The following TPM3 variants were observed in gnomAD, a reference collection of about 807,000 sequenced individuals.
TPM3 encodes the protein tropomyosin 3.
TPM3 carries 16 observed loss-of-function variants against 43.1 expected under a neutral mutation model. That is an observed-to-expected ratio of 0.37 (90% CI 0.25 to 0.56). TPM3 has a LOEUF of 0.56. TPM3 is among the 20% of genes least tolerant of loss of function. The pLI is 0.77. For synonymous variants in TPM3, 101 were observed against 116.9 expected (o/e 0.86, Z 0.88); for missense variants, 176 against 337.2 (o/e 0.52, Z 3.74).
chr1:154,167,292 T>TA lies in TPM3; in HGVS notation c.*644dup, dbSNP rs1280587154. ...TTTCTGTGACTGGAGTTGACATAAT[T>TA]AGTCAATCTTAGCAATAATGTATTG... On this transcript the variant is annotated 3_prime_UTR_variant, in exon 10 of 10. Coordinates refer to ENST00000651641, the MANE Select transcript of TPM3 (RefSeq NM_152263.4). The TA allele has an allele frequency of 1.0e-6, 1 of 984,700 alleles. No homozygotes were observed. The highest frequency in any genetic ancestry group is 1.2e-6 in the Non-Finnish European group (1 of 829,424). The allele number at this position is 984,700 out of a possible 1,614,324, so 61.0% of individuals were successfully genotyped here.
At chr1:154,190,715 G>T (rs1375273924) in intron 2 of TPM3, among the ~76,000 whole-genome samples, 3 of 152,160 alleles carry the variant, frequency 2.0e-5, no homozygotes, top group Non-Finnish European at 4.4e-5. Context: ...ATATGGCCAG[G>T]GTCAGTGTGA....
Position 154,170,631 on chromosome 1 carries a change from T to C in TPM3, c.705+18A>G, listed in dbSNP as rs773195915. On this transcript the variant is annotated intron_variant, in intron 7 of 9. Transcript: ENST00000651641. ...TCTAAATGTTTTGGGTTCTGCCCTA[T>C]AAATCCCCTCAGCTCACCTCCTTGA... 4.3e-6 allele frequency: 7 copies of C among 1,612,190 alleles called. No homozygotes were observed. Among genetic ancestry groups the C allele is most frequent in the East Asian group, 4.5e-5 (2 of 44,874 alleles).
intron 5 of TPM3, chr1:154,172,658 C>G: frequency 1.8e-6 from 1 of 554,740 alleles, no homozygotes; most frequent in Non-Finnish European, 3.2e-6. Context: ...ATGTATTAGT[C>G]CTTATTTGCT....
intron 2 of TPM3, 80 bp from the exon 3 acceptor site, chr1:154,176,328 T>C: frequency 1.2e-6 from 2 of 1,605,084 alleles, no homozygotes; most frequent in Non-Finnish European, 1.7e-6. Context: ...AAGATCAGGG[T>C]TGACTACCAT....
Position 154,177,488 on chromosome 1 carries a change from A to G in TPM3, c.244-1240T>C, listed in dbSNP as rs148496357. Among the ~76,000 whole-genome samples the G allele has an allele frequency of 3.6e-3, 546 of 152,252 alleles. 5 individuals are homozygous for G. Among genetic ancestry groups the G allele is most frequent in the African/African-American group, 0.013 (528 of 41,548 alleles). On this transcript the variant is annotated intron_variant, in intron 2 of 9. Transcript: ENST00000651641. ...GGAGGCAGCCTGCAGGTGGATGGAT[A>G]AATTCTAATGGTAGGAAAACCTCTT...
intron 2 of TPM3, 27 bp downstream of exon 2, chr1:154,191,158 AC>A: frequency 6.2e-7 from 1 of 1,613,506 alleles, no homozygotes; most frequent in East Asian, 2.2e-5. Flanking sequence ...TGTAGATTAA[AC>A]CCATCCTCCA....
rs1384136397 is a variant in TPM3, at chr1:154,163,376, C to A, written c.*4561G>T. Among the ~76,000 whole-genome samples the A allele has an allele frequency of 1.3e-5, 2 of 152,104 alleles. No individual in the cohort carries two copies. Among genetic ancestry groups the A allele is most frequent in the Non-Finnish European group, 2.9e-5 (2 of 68,032 alleles). ...CCCTGCTCTAAAGTAAATTATATTG[C>A]CTATATAATCTTCCTACCAATACAC... On this transcript the variant is annotated 3_prime_UTR_variant, in exon 10 of 10. Coordinates refer to ENST00000651641, the MANE Select transcript of TPM3 (RefSeq NM_152263.4).
At chr1:154,176,067 C>T (rs777447302) in intron 3 of TPM3, 48 bp downstream of exon 3, 2 of 1,611,642 alleles carry the variant, frequency 1.2e-6, no homozygotes, top group South Asian at 1.1e-5. Flanking sequence ...TTGATCAGAA[C>T]TATTATGAAC....
chr1:154,159,745 T>C (rs1215286740), downstream of TPM3, among the ~76,000 whole-genome samples: 1 of 152,148 alleles, frequency 6.6e-6, no homozygotes, highest in Non-Finnish European at 1.5e-5. Flanking sequence ...GGGGTGATCA[T>C]ATGATCCAGT....
chr1:154,174,407 T>TATATATATACACACACAC (rs1261318136), intron 3 of TPM3, among the ~76,000 whole-genome samples: 7 of 72,692 alleles, frequency 9.6e-5, no homozygotes, highest in African/African-American at 1.5e-4. Flanking sequence ...TATATATATA[T>TATATATATACACACACAC]ACACACAAAA....
At position 154,167,753 on chromosome 1, in the gene TPM3, G is replaced by A. The variant is rs1661131042; in HGVS notation, c.*184C>T. ...AATGCAGGGTGGCATGAGGTTTCCA[G>A]CAGCTTAACATTTTAATTTGGGGTG... On this transcript the variant is annotated 3_prime_UTR_variant, in exon 10 of 10. Transcript: ENST00000651641. 3 of 1,478,978 alleles carry A rather than the reference G, an allele frequency of 2.0e-6. No homozygotes were observed. In the Admixed American group the frequency reaches 7.3e-5, roughly 36 times the overall value. The allele number at this position is 1,478,978 out of a possible 1,614,324, so 91.6% of individuals were successfully genotyped here.
intron 2 of TPM3, among the ~76,000 whole-genome samples, chr1:154,180,222 C>G (rs899910798): frequency 1.2e-4 from 18 of 152,150 alleles, no homozygotes; most frequent in African/African-American, 4.3e-4. Context: ...TCTAGCTTCC[C>G]AACAAGGGTG....
At chr1:154,170,325 G>A (rs1021855166) in intron 8 of TPM3, 75 bp downstream of exon 8, 1 of 1,528,764 alleles carries the variant, frequency 6.5e-7, no homozygotes, top group African/African-American at 1.4e-5. Flanking sequence ...TTGGTGTACA[G>A]AAAAAGAGAT....
intron 2 of TPM3, among the ~76,000 whole-genome samples, chr1:154,186,159 CTCTTAATA>C: frequency 6.6e-6 from 1 of 151,768 alleles, no homozygotes; most frequent in Non-Finnish European, 1.5e-5. Context: ...AGGGTTCTGA[CTCTTAATA>C]GACTCTACCC....
At position 154,176,120 on chromosome 1, in the gene TPM3, A is replaced by T; in HGVS notation, c.372T>A (p.Ser124Arg). Residue 124 changes from serine to arginine, a missense_variant, in exon 3 of 10, where the codon AGT (serine) becomes AGA (arginine). By Grantham distance (110) the Ser-to-Arg change is moderately radical (BLOSUM62 -1). Transcript: ENST00000651641. ...LEEAEKAADE[S>R]ERGMKVIENR... Reference sequence around the variant, plus strand: ...CATCAGGCTTCCCTACACACCTCTCACTCTCATCAGCAGCTTTTTCAGCTT... The same window carrying T: ...CATCAGGCTTCCCTACACACCTCTCTCTCTCATCAGCAGCTTTTTCAGCTT... The T allele has an allele frequency of 1.9e-6, 3 of 1,613,340 alleles. No individual in the cohort carries two copies. Among genetic ancestry groups the T allele is most frequent in the Non-Finnish European group, 2.5e-6 (3 of 1,179,934 alleles).
At chr1:154,176,937 C>A (rs1662403953) in intron 2 of TPM3, among the ~76,000 whole-genome samples, 1 of 150,192 alleles carries the variant, frequency 6.7e-6, no homozygotes, top group Non-Finnish European at 1.5e-5. Flanking sequence ...TGAGATTGCG[C>A]CACTACACTC....
At chr1:154,170,499 A>G (rs756949304) in intron 7 of TPM3, 30 bp from the exon 8 acceptor site, 2 of 1,613,116 alleles carry the variant, frequency 1.2e-6, no homozygotes, top group Admixed American at 3.3e-5. Context: ...AGTCAGAACC[A>G]GAGATGAAGA....
rs759208802 is a variant in TPM3, at chr1:154,172,221, G to T, written c.566+687C>A. 4 of 980,724 alleles carry T rather than the reference G, an allele frequency of 4.1e-6. No homozygotes were observed. The African/African-American group carries it at 4.8e-5, about 12-fold the overall frequency. The allele number at this position is 980,724 out of a possible 1,614,324, so 60.8% of individuals were successfully genotyped here. On this transcript the variant is annotated intron_variant, in intron 5 of 9. Transcript: ENST00000651641. Reference sequence around the variant, plus strand: ...CGAAAAAAAAAAATTCAAAAAATGGGAAGAGAACACCACCATGGTCATGAT... The same window carrying T: ...CGAAAAAAAAAAATTCAAAAAATGGTAAGAGAACACCACCATGGTCATGAT...
intron 2 of TPM3, among the ~76,000 whole-genome samples, chr1:154,189,486 TCAA>T (rs1388497281): frequency 6.9e-6 from 1 of 143,974 alleles, no homozygotes; most frequent in Non-Finnish European, 1.5e-5. Context: ...AGACTCCATC[TCAA>T]CAACAACAAT....
Sources: allele counts gnomAD v4.1 joint callset (sites outside exome capture counted in the v4.1 genomes callset), GRCh38; gene constraint gnomAD v4.1.1; transcripts MANE v1.5; gene names NCBI Gene and HGNC (gene_info 2026-07-23, HGNC 2026-07-21).